CIB2: variants seen among roughly 807,000 people sequenced by gnomAD.
CIB2 encodes calcium and integrin binding family member 2.
A neutral mutation model predicts 23.1 loss-of-function variants in CIB2; 19 were observed. The ratio of observed to expected loss-of-function variants is 0.82; its 90% CI spans 0.57 to 1.21. The LOEUF is 1.21. CIB2 is among the 50% of genes most tolerant of loss of function. CIB2 has a pLI of 0.00. For missense variants in CIB2, 220 were observed against 241.5 expected, an observed-to-expected ratio of 0.91 and a Z score of 0.59; for synonymous variants, 94 against 91.7, an observed-to-expected ratio of 1.03 and a Z score of -0.14.
chr15:78,131,305 C>T lies in CIB2; in HGVS notation c.-90G>A. ...GAGCCAGCGCCCCGTGCCCGCGGCC[C>T]TCGGCAGCCCCGCGGCTGGCAGCGG... On this transcript the variant is annotated 5_prime_UTR_variant, in exon 1 of 6. Coordinates refer to ENST00000258930, the MANE Select transcript of CIB2 (RefSeq NM_006383.4). The surrounding 1 kb of genome is among the most constrained non-coding windows in gnomAD (Gnocchi z 5.8). 1 of 1,064,514 alleles carries T rather than the reference C, an allele frequency of 9.4e-7. No homozygotes were observed. The highest frequency in any genetic ancestry group is 1.2e-6 in the Non-Finnish European group (1 of 858,236). The allele number at this position is 1,064,514 out of a possible 1,614,324, so 65.9% of individuals were successfully genotyped here.
chr15:78,108,509 C>A (rs1384739836), intron 4 of CIB2, among the ~76,000 whole-genome samples: 3 of 152,164 alleles, frequency 2.0e-5, no homozygotes, highest in Non-Finnish European at 4.4e-5. Flanking sequence ...CTCATGAGTG[C>A]CCGCCGCCCT....
intron 2 of CIB2, among the ~76,000 whole-genome samples, chr15:78,114,115 T>G (rs1255165962): frequency 6.6e-6 from 1 of 152,186 alleles, no homozygotes; most frequent in Non-Finnish European, 1.5e-5. Flanking sequence ...CCCTGGATGT[T>G]CATAAAACCA....
In CIB2 at chr15:78,109,519, G is replaced by A. The variant is rs984606823; in HGVS notation, c.199-137C>T. 8 of 915,608 alleles carry A rather than the reference G, an allele frequency of 8.7e-6. No individual in the cohort carries two copies. In the African/African-American group the frequency reaches 1.3e-4, roughly 15 times the overall value. The allele number at this position is 915,608 out of a possible 1,614,324, so 56.7% of individuals were successfully genotyped here. The stretch of plus-strand genomic sequence containing the variant: ...GCCTCGGTTTCCCCATCTGTAAAAA[G>A]GGAATAATAATAACACCTTCTTAAT... On this transcript the variant is annotated intron_variant, in intron 3 of 5. Coordinates refer to ENST00000258930, the MANE Select transcript of CIB2 (RefSeq NM_006383.4).
rs551398252 is a variant in CIB2 at position 78,106,468 on chromosome 15, A to G, written c.347-534T>C. Among the ~76,000 whole-genome samples, 26 of 152,262 alleles carry G rather than the reference A, an allele frequency of 1.7e-4. No individual in the cohort carries two copies. In the East Asian group the frequency reaches 4.6e-3, roughly 27 times the overall value. On this transcript the variant is annotated intron_variant, in intron 4 of 5. Transcript: ENST00000258930. ...GACACGGTGGGTCAGGAGACTCAAA[A>G]TCAAAAGACCCTTAGAGAGGGGCCT...
At chr15:78,109,213 C>T in intron 4 of CIB2, 22 bp downstream of exon 4, 3 of 1,101,788 alleles carry the variant, frequency 2.7e-6, no homozygotes, top group South Asian at 1.3e-5. Flanking sequence ...ATATTCAGGC[C>T]CCCTCCTCTA....
Position 78,119,572 on chromosome 15 carries a change from C to CTT in CIB2, c.86+4131_86+4132dup, listed in dbSNP as rs1244131703. Among the ~76,000 whole-genome samples, 1,469 of 147,154 alleles carry CTT rather than the reference C, an allele frequency of 1.0e-2. 15 individuals are homozygous for CTT. Among genetic ancestry groups the CTT allele is most frequent in the African/African-American group, 0.034 (1,390 of 40,424 alleles). On this transcript the variant is annotated intron_variant, in intron 2 of 5. Coordinates refer to ENST00000258930, the MANE Select transcript of CIB2 (RefSeq NM_006383.4). ...AAAAGCAATTTTAAGCATATATATACTTTTTTTTTTTTGAGATGGAGTCTC... is the reference window on the plus strand; with the variant it reads ...AAAAGCAATTTTAAGCATATATATACTTTTTTTTTTTTTTGAGATGGAGTCTC...
At chr15:78,111,140 C>T (rs200530151) in intron 3 of CIB2, 25 bp downstream of exon 3, 24 of 1,602,446 alleles carry the variant, frequency 1.5e-5, no homozygotes, top group Non-Finnish European at 1.8e-5. Flanking sequence ...ATCCCCTGCT[C>T]GCCAGCAAGA....
chr15:78,129,670 C>A (rs996727049), intron 1 of CIB2, among the ~76,000 whole-genome samples: 10 of 152,190 alleles, frequency 6.6e-5, no homozygotes, highest in African/African-American at 2.4e-4. Context: ...GGGCCACACA[C>A]TGGAGGTGAG....
At chr15:78,114,509 G>C in intron 2 of CIB2, among the ~76,000 whole-genome samples, 1 of 152,106 alleles carries the variant, frequency 6.6e-6, no homozygotes, top group East Asian at 1.9e-4. Context: ...CTGCCCCCGA[G>C]TATGAGGCAA....
At chr15:78,130,214 G>A (rs755307699) in intron 1 of CIB2, among the ~76,000 whole-genome samples, 1 of 151,894 alleles carries the variant, frequency 6.6e-6, no homozygotes, top group Non-Finnish European at 1.5e-5. Context: ...GGCATCAGAT[G>A]TGGGACTTGA....
chr15:78,106,995 G>A (rs925045711), intron 4 of CIB2, among the ~76,000 whole-genome samples: 12 of 152,044 alleles, frequency 7.9e-5, no homozygotes, highest in African/African-American at 2.2e-4. Flanking sequence ...TTGCGAGTCC[G>A]AGGTGGGTGG....
At chr15:78,109,807 CA>C (rs61214041) in intron 3 of CIB2, among the ~76,000 whole-genome samples, 910 of 87,190 alleles carry the variant, frequency 0.01, 14 homozygotes, top group African/African-American at 0.036. Context: ...ACCATGTCTC[CA>C]AAAAAAAAAA....
chr15:78,118,275 T>C (rs2074267893), intron 2 of CIB2, among the ~76,000 whole-genome samples: 1 of 152,142 alleles, frequency 6.6e-6, no homozygotes, highest in Non-Finnish European at 1.5e-5. Context: ...TAAGATCTTT[T>C]TTCTTATCTT....
At chr15:78,127,852 C>T (rs1384241244) in intron 1 of CIB2, among the ~76,000 whole-genome samples, 2 of 152,226 alleles carry the variant, frequency 1.3e-5, no homozygotes, top group Non-Finnish European at 2.9e-5. Context: ...ATGAGCACAG[C>T]TGGGTTAGTA....
At chr15:78,109,581 A>G in intron 3 of CIB2, 199 bp from the exon 4 acceptor site, 1 of 634,344 alleles carries the variant, frequency 1.6e-6, no homozygotes, top group South Asian at 1.8e-5. Context: ...AAAGTATGTA[A>G]GGTGTTGGTA....
At chr15:78,123,036 T>C (rs1034990969) in intron 2 of CIB2, among the ~76,000 whole-genome samples, 1 of 152,192 alleles carries the variant, frequency 6.6e-6, no homozygotes, top group Middle Eastern at 3.2e-3. Context: ...ATTCAGTGAT[T>C]CCTGCTCACC....
intron 3 of CIB2, among the ~76,000 whole-genome samples, chr15:78,110,057 C>T (rs1002675936): frequency 3.9e-5 from 6 of 152,258 alleles, no homozygotes; most frequent in African/African-American, 1.4e-4. Flanking sequence ...ATAACTGGAC[C>T]AGTCAAGCAG....
chr15:78,116,107 T>C (rs981420202), intron 2 of CIB2, among the ~76,000 whole-genome samples: 1 of 152,034 alleles, frequency 6.6e-6, no homozygotes, highest in African/African-American at 2.4e-5. Context: ...TTACATTGTA[T>C]TAGGTGTTAT....
intron 1 of CIB2, among the ~76,000 whole-genome samples, chr15:78,126,034 A>G (rs1392034162): frequency 2.6e-5 from 4 of 152,080 alleles, no homozygotes; most frequent in Non-Finnish European, 5.9e-5. Flanking sequence ...TATCTTAAAG[A>G]TGGGCAACTT....
Sources: allele counts gnomAD v4.1 joint callset (sites outside exome capture counted in the v4.1 genomes callset), GRCh38; gene constraint gnomAD v4.1.1; non-coding constraint Gnocchi (gnomAD v3.1); transcripts MANE v1.5; gene names NCBI Gene and HGNC (gene_info 2026-07-23, HGNC 2026-07-21).